Variants in CCSER1 observed in about 807,000 individuals in gnomAD.
The protein encoded by CCSER1 is coiled-coil serine rich protein 1, also known as serine-rich coiled-coil domain-containing protein 1.
CCSER1 carries 41 observed loss-of-function variants against 82.0 expected under a neutral mutation model. The observed-to-expected ratio is 0.50, with a 90% CI of 0.39 to 0.65. The LOEUF (loss-of-function observed/expected upper bound fraction) is 0.65. CCSER1 is among the 30% of genes least tolerant of loss of function. The pLI is 0.00. For missense variants in CCSER1, 1,119 were observed against 1,064.2 expected (o/e 1.05, Z -0.72); for synonymous variants, 414 against 383.9 (o/e 1.08, Z -0.92).
chr4:90,741,707 C>A (rs544331254), intron 7 of CCSER1, among the ~76,000 whole-genome samples: 10 of 152,056 alleles, frequency 6.6e-5, no homozygotes, highest in Non-Finnish European at 1.2e-4. Context: ...TCACAGTTTA[C>A]CTATAAGTGT....
In CCSER1 at chr4:90,965,468, G is replaced by A. The variant is rs116860202; in HGVS notation, c.2172+42021G>A. On this transcript the variant is annotated intron_variant, in intron 9 of 10. Coordinates refer to ENST00000509176, the MANE Select transcript of CCSER1 (RefSeq NM_001145065.2). ...AAGGCTGACTGCAAACCATCAGATCGTTGAAGACATGCCCCCAATACATAC... is the reference window on the plus strand; with the variant it reads ...AAGGCTGACTGCAAACCATCAGATCATTGAAGACATGCCCCCAATACATAC... Among the ~76,000 whole-genome samples the A allele has an allele frequency of 3.9e-3, 598 of 152,192 alleles. 23 individuals carry two copies. The East Asian group carries it at 0.067, about 17-fold the overall frequency.
chr4:90,158,196 C>T lies in CCSER1; in HGVS notation c.-42+30365C>T, dbSNP rs565618403. Among the ~76,000 whole-genome samples, 260 of 152,252 alleles carry T rather than the reference C, an allele frequency of 1.7e-3. 3 individuals carry two copies. The highest frequency in any genetic ancestry group is 5.5e-3 in the African/African-American group (230 of 41,536). ...GGTGGCTGCATAAACAGCGGATTTTCGTGAACCGCAAATGCTGCTGTCTGA... is the reference window on the plus strand; with the variant it reads ...GGTGGCTGCATAAACAGCGGATTTTTGTGAACCGCAAATGCTGCTGTCTGA... On this transcript the variant is annotated intron_variant, in intron 1 of 10. Coordinates refer to ENST00000509176, the MANE Select transcript of CCSER1 (RefSeq NM_001145065.2).
At position 90,269,050 on chromosome 4, in the gene CCSER1, C is replaced by T. The variant is rs1033486995; in HGVS notation, c.-41-39194C>T. Among the ~76,000 whole-genome samples, 5 of 152,008 alleles carry T rather than the reference C, an allele frequency of 3.3e-5. No homozygotes were observed. The South Asian group carries it at 8.3e-4, about 25-fold the overall frequency. On this transcript the variant is annotated intron_variant, in intron 1 of 10. Transcript: ENST00000509176. Reference sequence around the variant, plus strand: ...CACCAGAGTACCCAGATATGTAAGGCAGATGTTAGAGCTAAAGAGAGAGGT... The same window carrying T: ...CACCAGAGTACCCAGATATGTAAGGTAGATGTTAGAGCTAAAGAGAGAGGT...
chr4:91,153,923 G>A (rs999406135), intron 10 of CCSER1, among the ~76,000 whole-genome samples: 4 of 151,946 alleles, frequency 2.6e-5, no homozygotes, highest in African/African-American at 7.2e-5. Context: ...GGCCCCTACT[G>A]GGAGGTGCCT....
chr4:91,570,805 A>G lies in CCSER1; in HGVS notation c.2218-27767A>G, dbSNP rs192945872. 1.5e-3 allele frequency among the ~76,000 whole-genome samples: 232 copies of G among 152,248 alleles called. 1 individual carries two copies. Among genetic ancestry groups the G allele is most frequent in the Admixed American group, 7.7e-3 (118 of 15,298 alleles). On this transcript the variant is annotated intron_variant, in intron 10 of 10. Transcript: ENST00000509176. ...TTTCCCCATTGTCTTGCTGATTAACATTTGGCTCCTCATTACTTATGCAAA... is the reference window on the plus strand; with the variant it reads ...TTTCCCCATTGTCTTGCTGATTAACGTTTGGCTCCTCATTACTTATGCAAA...
intron 10 of CCSER1, among the ~76,000 whole-genome samples, chr4:91,533,778 T>C (rs1376240828): frequency 6.6e-6 from 1 of 152,036 alleles, no homozygotes; most frequent in Admixed American, 6.6e-5. Context: ...CATTTCCCAA[T>C]CGTAATTTTT....
chr4:90,899,330 G>GA (rs775966730), intron 8 of CCSER1, among the ~76,000 whole-genome samples: 7 of 151,966 alleles, frequency 4.6e-5, no homozygotes, highest in Non-Finnish European at 7.4e-5. Context: ...TTAATTCATT[G>GA]ATCAGGTCTA....
intron 5 of CCSER1, among the ~76,000 whole-genome samples, chr4:90,497,654 A>G (rs1769238969): frequency 6.6e-6 from 1 of 152,212 alleles, no homozygotes; most frequent in Non-Finnish European, 1.5e-5. Context: ...AAATTGAATA[A>G]AGAATATCAA....
At chr4:91,513,862 GTAGC>G (rs1759957792) in intron 10 of CCSER1, among the ~76,000 whole-genome samples, 1 of 151,638 alleles carries the variant, frequency 6.6e-6, no homozygotes, top group Non-Finnish European at 1.5e-5. Context: ...TTTACTTCAA[GTAGC>G]TAGCAGTCTA....
At chr4:90,852,210 A>G (rs72879465) in intron 8 of CCSER1, among the ~76,000 whole-genome samples, 3,714 of 152,304 alleles carry the variant, frequency 0.024, 124 homozygotes, top group African/African-American at 0.077. Context: ...CACTCACCCT[A>G]AAGCTGAGAT....
chr4:91,101,805 C>A (rs546386897), intron 10 of CCSER1, among the ~76,000 whole-genome samples: 1 of 152,256 alleles, frequency 6.6e-6, no homozygotes, highest in Admixed American at 6.5e-5. Flanking sequence ...AGAACTATAC[C>A]TCTTAGTGAC....
intron 9 of CCSER1, among the ~76,000 whole-genome samples, chr4:91,031,518 C>T (rs1740980643): frequency 6.6e-6 from 1 of 152,254 alleles, no homozygotes; most frequent in South Asian, 2.1e-4. Flanking sequence ...AAAACTTAGA[C>T]ATAATGTTTG....
chr4:90,160,652 A>G (rs944177003), intron 1 of CCSER1, among the ~76,000 whole-genome samples: 15 of 152,280 alleles, frequency 9.9e-5, no homozygotes, highest in African/African-American at 3.4e-4. Flanking sequence ...TGCTATTTAT[A>G]TTTGGAGAGA....
At chr4:91,531,870 T>A (rs1298665071) in intron 10 of CCSER1, among the ~76,000 whole-genome samples, 1 of 152,250 alleles carries the variant, frequency 6.6e-6, no homozygotes, top group African/African-American at 2.4e-5. Context: ...TACTATTGCA[T>A]TTGGATAACT....
At chr4:90,182,308 T>TA (rs751049679) in intron 1 of CCSER1, among the ~76,000 whole-genome samples, 36 of 152,216 alleles carry the variant, frequency 2.4e-4, no homozygotes, top group Admixed American at 3.9e-4. Flanking sequence ...TTATTTGACC[T>TA]AAAAAATAGA....
chr4:90,855,535 C>T (rs952883961), intron 8 of CCSER1, among the ~76,000 whole-genome samples: 3 of 151,922 alleles, frequency 2.0e-5, no homozygotes, highest in Non-Finnish European at 4.4e-5. Context: ...AGCTGGTTTC[C>T]ACTAGTAACA....
At chr4:90,343,143 C>G (rs1350548985) in intron 3 of CCSER1, among the ~76,000 whole-genome samples, 1 of 152,152 alleles carries the variant, frequency 6.6e-6, no homozygotes, top group African/African-American at 2.4e-5. Context: ...AATAAACTAT[C>G]CTTGCTATCT....
At chr4:91,276,855 T>TA (rs1742504401) in intron 10 of CCSER1, among the ~76,000 whole-genome samples, 1 of 152,122 alleles carries the variant, frequency 6.6e-6, no homozygotes, top group Non-Finnish European at 1.5e-5. Flanking sequence ...TTTGAGTTTT[T>TA]ATCATAAAGG....
At chr4:90,954,553 G>A (rs547752973) in intron 9 of CCSER1, among the ~76,000 whole-genome samples, 21 of 152,098 alleles carry the variant, frequency 1.4e-4, no homozygotes, top group Admixed American at 3.9e-4. Context: ...GATGAATTTC[G>A]TTTAATATTA....
Sources: allele counts gnomAD v4.1 joint callset (sites outside exome capture counted in the v4.1 genomes callset), GRCh38; gene constraint gnomAD v4.1.1; transcripts MANE v1.5; gene names NCBI Gene and HGNC (gene_info 2026-07-23, HGNC 2026-07-21).